Variants in CCDC73 observed in about 807,000 individuals in gnomAD.
CCDC73 encodes the protein coiled-coil domain containing 73.
Under a neutral mutation model 116.5 loss-of-function variants are expected in CCDC73, and 95 were observed. That is an observed-to-expected ratio of 0.82 (90% CI 0.69 to 0.97). CCDC73 has a LOEUF of 0.97. Among genes scored for constraint, CCDC73 ranks in the 50% least tolerant of loss-of-function variants. The pLI is 0.00. For synonymous variants in CCDC73, 398 were observed against 401.3 expected (o/e 0.99, Z 0.10); for missense variants, 1,066 against 1,206.8 (o/e 0.88, Z 1.73).
At chr11:32,631,570 A>C (rs1855630304) in intron 14 of CCDC73, among the ~76,000 whole-genome samples, 1 of 143,920 alleles carries the variant, frequency 6.9e-6, no homozygotes, top group African/African-American at 2.5e-5. Flanking sequence ...GTGAAACCTC[A>C]TCAGGAAAGG....
At chr11:32,747,693 G>A (rs796672495) in intron 2 of CCDC73, among the ~76,000 whole-genome samples, 1 of 152,194 alleles carries the variant, frequency 6.6e-6, no homozygotes, top group South Asian at 2.1e-4. Context: ...CAGCATCCCA[G>A]GTCAATCTCA....
At chr11:32,720,167 C>T (rs559123464) in intron 2 of CCDC73, among the ~76,000 whole-genome samples, 2 of 152,084 alleles carry the variant, frequency 1.3e-5, no homozygotes, top group South Asian at 4.2e-4. Context: ...AAACAGAATC[C>T]AACAATATAA....
chr11:32,603,208 A>G (rs1282556689), intron 17 of CCDC73, 188 bp from the exon 18 acceptor site: 2 of 502,170 alleles, frequency 4.0e-6, no homozygotes, highest in African/African-American at 2.0e-5. Context: ...TAGATCTTCA[A>G]AATCTCTAAT....
intron 1 of CCDC73, among the ~76,000 whole-genome samples, chr11:32,790,138 C>T (rs1822280660): frequency 6.6e-6 from 1 of 152,208 alleles, no homozygotes; most frequent in East Asian, 1.9e-4. Flanking sequence ...GAGAAGCAGG[C>T]AAGTCTTAGG....
chr11:32,639,096 C>T (rs999006022), intron 13 of CCDC73, among the ~76,000 whole-genome samples: 3 of 151,374 alleles, frequency 2.0e-5, no homozygotes, highest in Non-Finnish European at 4.4e-5. Flanking sequence ...TGCAGTGAGC[C>T]GAGATCGCAC....
At chr11:32,670,351 T>A (rs1427810215) in intron 9 of CCDC73, among the ~76,000 whole-genome samples, 4 of 151,964 alleles carry the variant, frequency 2.6e-5, no homozygotes, top group African/African-American at 9.7e-5. Context: ...TGAAACCCCG[T>A]CTCTACTAAA....
At chr11:32,738,380 T>C (rs1246660985) in intron 2 of CCDC73, among the ~76,000 whole-genome samples, 17 of 152,216 alleles carry the variant, frequency 1.1e-4, no homozygotes, top group Admixed American at 1.0e-3. Flanking sequence ...TGCCTGTCTT[T>C]TGGATAAAAG....
intron 9 of CCDC73, among the ~76,000 whole-genome samples, chr11:32,657,871 A>G (rs553461532): frequency 6.6e-6 from 1 of 152,136 alleles, no homozygotes; most frequent in African/African-American, 2.4e-5. Flanking sequence ...ATGATGGTGT[A>G]TGCCTCTGGT....
chr11:32,727,467 C>G (rs1850038023), intron 2 of CCDC73, among the ~76,000 whole-genome samples: 1 of 152,168 alleles, frequency 6.6e-6, no homozygotes, highest in African/African-American at 2.4e-5. Flanking sequence ...CAGTAAATTA[C>G]TAAATAATTT....
intron 13 of CCDC73, among the ~76,000 whole-genome samples, chr11:32,639,095 C>A (rs903349837): frequency 6.6e-6 from 1 of 151,460 alleles, no homozygotes; most frequent in African/African-American, 2.4e-5. Flanking sequence ...TTGCAGTGAG[C>A]CGAGATCGCA....
intron 14 of CCDC73, among the ~76,000 whole-genome samples, chr11:32,628,084 G>C (rs577002569): frequency 1.8e-4 from 28 of 152,274 alleles, no homozygotes; most frequent in African/African-American, 6.5e-4. Context: ...AGCCATACCA[G>C]AGAACTTGAC....
rs1007055012 is a variant in CCDC73 at position 32,700,834 on chromosome 11, A to C, written c.280-8T>G. 7.0e-7 allele frequency: 1 copy of C among 1,425,142 alleles called. No homozygotes were observed. Among genetic ancestry groups the C allele is most frequent in the African/African-American group, 1.4e-5 (1 of 69,402 alleles). The allele number at this position is 1,425,142 out of a possible 1,614,324, so 88.3% of individuals were successfully genotyped here. A position where few individuals can be genotyped will look rare whatever the true frequency, so the allele number is the denominator to read the frequency against. On this transcript the variant is annotated splice_polypyrimidine_tract_variant and splice_region_variant and intron_variant, in intron 4 of 17. Coordinates refer to ENST00000335185, the MANE Select transcript of CCDC73 (RefSeq NM_001008391.4). ...ACACATCTTCATCTGCAACTGATAA[A>C]CAATTTTAAAAATTAAAATAAAGGG...
rs191383400 is a variant in CCDC73, at chr11:32,624,503, T to A, written c.1186-8374A>T. Among the ~76,000 whole-genome samples, 57 of 152,304 alleles carry A rather than the reference T, an allele frequency of 3.7e-4. No homozygotes were observed. The East Asian group carries it at 9.8e-3, about 26-fold the overall frequency. On this transcript the variant is annotated intron_variant, in intron 14 of 17. Transcript: ENST00000335185. Reference sequence around the variant, plus strand: ...AAGTGGACAGATTAATTATGGCACGTCCTAGTCACACAATGGAAATTGTGA... The same window carrying A: ...AAGTGGACAGATTAATTATGGCACGACCTAGTCACACAATGGAAATTGTGA...
chr11:32,706,102 T>C (rs1007374718), intron 3 of CCDC73, among the ~76,000 whole-genome samples: 2 of 151,944 alleles, frequency 1.3e-5, no homozygotes, highest in Non-Finnish European at 2.9e-5. Context: ...CCAGGCAGAT[T>C]TAGAAAAACT....
chr11:32,646,346 G>A (rs1855778878), intron 12 of CCDC73, among the ~76,000 whole-genome samples: 1 of 151,984 alleles, frequency 6.6e-6, no homozygotes, highest in African/African-American at 2.4e-5. Context: ...TTCCTGTCTT[G>A]GTTTACTCCC....
rs1480080150 is a variant in CCDC73, at chr11:32,635,838, A to T, written c.1051-8T>A. On this transcript the variant is annotated splice_polypyrimidine_tract_variant and splice_region_variant and intron_variant, in intron 13 of 17. Transcript: ENST00000335185. ...TCCATTAAGTTCTTCAGCCTATTAT[A>T]AAAAAGGAACCAGAATAAACAAGTA... 1 of 1,129,376 alleles carries T rather than the reference A, an allele frequency of 8.9e-7. No individual in the cohort carries two copies. Among genetic ancestry groups the T allele is most frequent in the Non-Finnish European group, 1.1e-6 (1 of 877,962 alleles). 70.0% of individuals were successfully genotyped at this position (1,129,376 alleles called of 1,614,324 possible). A position where few individuals can be genotyped will look rare whatever the true frequency, so the allele number is the denominator to read the frequency against.
chr11:32,700,813 A>G lies in CCDC73; in HGVS notation c.293T>C (p.Met98Thr). The change falls in exon 5 of 18, where the codon ATG (methionine) becomes ACG (threonine). Residue 98 changes from methionine to threonine, a missense_variant. Coordinates refer to ENST00000335185, the MANE Select transcript of CCDC73 (RefSeq NM_001008391.4). Reference sequence around the variant, plus strand: ...TACCTTTTCTTCTTCCAGGGCACACATCTTCATCTGCAACTGATAAACAAT... The same window carrying G: ...TACCTTTTCTTCTTCCAGGGCACACGTCTTCATCTGCAACTGATAAACAAT... The part of the protein sequence containing the change: ...AVFKKQLQMK[M>T]CALEEEKGKY... 2 of 1,449,044 alleles carry G rather than the reference A, an allele frequency of 1.4e-6. No homozygotes were observed. Among genetic ancestry groups the G allele is most frequent in the Non-Finnish European group, 1.9e-6 (2 of 1,070,316 alleles). 89.8% of individuals were successfully genotyped at this position (1,449,044 alleles called of 1,614,324 possible).
intron 13 of CCDC73, among the ~76,000 whole-genome samples, chr11:32,636,234 T>A (rs1191798856): frequency 6.6e-6 from 1 of 152,116 alleles, no homozygotes. Context: ...AAACAAAAAA[T>A]TAAATTCATA....
intron 2 of CCDC73, among the ~76,000 whole-genome samples, chr11:32,751,813 C>T (rs907193444): frequency 2.0e-5 from 3 of 152,158 alleles, no homozygotes; most frequent in Non-Finnish European, 4.4e-5. Context: ...GGTGTTCCTG[C>T]AGGAAGGACA....
Sources: allele counts gnomAD v4.1 joint callset (sites outside exome capture counted in the v4.1 genomes callset), GRCh38; gene constraint gnomAD v4.1.1; transcripts MANE v1.5; gene names NCBI Gene and HGNC (gene_info 2026-07-23, HGNC 2026-07-21).